The following IL1RAPL1 variants were observed in gnomAD, a reference collection of about 807,000 sequenced individuals.
IL1RAPL1 encodes interleukin 1 receptor accessory protein like 1, also known as interleukin-1 receptor accessory protein-like 1.
A neutral mutation model predicts 48.4 loss-of-function variants in IL1RAPL1; 3 were observed. The observed-to-expected ratio is 0.06, with a 90% CI of 0.03 to 0.16. The LOEUF is 0.16. Ranked by LOEUF, IL1RAPL1 falls within the 10% of genes least tolerant of loss-of-function variation. The pLI, the probability that IL1RAPL1 is intolerant of heterozygous loss-of-function variation, is 1.00. For missense variants in IL1RAPL1, 349 were observed against 530.6 expected, an observed-to-expected ratio of 0.66 and a Z score of 3.36; for synonymous variants, 185 against 187.7, an observed-to-expected ratio of 0.99 and a Z score of 0.12.
intron 6 of IL1RAPL1, among the ~76,000 whole-genome samples, chrX:29,812,816 GATAA>G (rs1930407217): frequency 9.0e-6 from 1 of 110,990 alleles, no homozygotes; most frequent in African/African-American, 3.3e-5. Flanking sequence ...TTAAGCTGAT[GATAA>G]ATAGTCTTTT....
chrX:29,176,482 CAAA>C (rs1930026092), intron 2 of IL1RAPL1, among the ~76,000 whole-genome samples: 1 of 109,641 alleles, frequency 9.1e-6, no homozygotes, highest in Non-Finnish European at 1.9e-5. Context: ...TTGAAACAAA[CAAA>C]AAAAGCAACT....
At chrX:29,741,372 C>G (rs1928192035) in intron 6 of IL1RAPL1, among the ~76,000 whole-genome samples, 1 of 111,996 alleles carries the variant, frequency 8.9e-6, no homozygotes, top group Non-Finnish European at 1.9e-5. Context: ...TGTGTGAGCA[C>G]ACAGCTGTGG....
intron 2 of IL1RAPL1, among the ~76,000 whole-genome samples, chrX:28,873,674 G>A (rs1261636239): frequency 2.0e-4 from 22 of 107,845 alleles, no homozygotes; most frequent in African/African-American, 7.1e-4. Flanking sequence ...TGGGACTACA[G>A]GAGCCCGCCA....
At chrX:28,859,716 T>A (rs1015092587) in intron 2 of IL1RAPL1, among the ~76,000 whole-genome samples, 12 of 108,655 alleles carry the variant, frequency 1.1e-4, no homozygotes, top group Non-Finnish European at 9.5e-5. Flanking sequence ...TATGGAAAAA[T>A]TATTATTATT....
chrX:28,781,491 T>A (rs1204432959), intron 1 of IL1RAPL1, among the ~76,000 whole-genome samples: 5 of 109,758 alleles, frequency 4.6e-5, no homozygotes, highest in Admixed American at 2.0e-4. Context: ...GAACCTTTTT[T>A]AAAAGACCAC....
chrX:29,301,955 G>T (rs776860564), intron 3 of IL1RAPL1, among the ~76,000 whole-genome samples: 1 of 111,250 alleles, frequency 9.0e-6, no homozygotes, highest in South Asian at 3.8e-4. Context: ...TAGTAAAAGA[G>T]CTTCAGAAGG....
At chrX:29,149,272 G>T (rs751849443) in intron 2 of IL1RAPL1, among the ~76,000 whole-genome samples, 1 of 110,343 alleles carries the variant, frequency 9.1e-6, no homozygotes, top group Non-Finnish European at 1.9e-5. Flanking sequence ...ATTTGGACTT[G>T]CCTAATCCTT....
chrX:29,080,213 C>T (rs905252694), intron 2 of IL1RAPL1, among the ~76,000 whole-genome samples: 4 of 108,935 alleles, frequency 3.7e-5, no homozygotes, highest in African/African-American at 1.3e-4. Context: ...AAAGTGAGAC[C>T]CCATCTCTAC....
intron 6 of IL1RAPL1, among the ~76,000 whole-genome samples, chrX:29,721,755 A>G (rs1316905643): frequency 8.9e-6 from 1 of 112,080 alleles, no homozygotes; most frequent in African/African-American, 3.2e-5. Context: ...TCACGGTATG[A>G]TTAAAGATAA....
At chrX:28,944,850 A>G (rs1260255487) in intron 2 of IL1RAPL1, among the ~76,000 whole-genome samples, 2 of 110,139 alleles carry the variant, frequency 1.8e-5, no homozygotes, top group Non-Finnish European at 3.8e-5. Flanking sequence ...AAAAAAAGTC[A>G]TAGCATGTCA....
intron 2 of IL1RAPL1, among the ~76,000 whole-genome samples, chrX:29,015,560 C>T (rs983386548): frequency 9.0e-6 from 1 of 111,095 alleles, no homozygotes; most frequent in African/African-American, 3.3e-5. Flanking sequence ...AGACTTAAGC[C>T]TCCCTGGATA....
At chrX:28,665,141 T>A (rs1195569912) in intron 1 of IL1RAPL1, among the ~76,000 whole-genome samples, 7 of 111,366 alleles carry the variant, frequency 6.3e-5, no homozygotes, top group African/African-American at 2.3e-4. Context: ...ATACTACAAA[T>A]GCAGTCTTGC....
intron 2 of IL1RAPL1, among the ~76,000 whole-genome samples, chrX:29,182,282 A>G (rs1419764041): frequency 9.0e-6 from 1 of 111,249 alleles, no homozygotes; most frequent in African/African-American, 3.3e-5. Context: ...TACTAGACTA[A>G]CTCCTGGGCT....
intron 2 of IL1RAPL1, among the ~76,000 whole-genome samples, chrX:28,798,705 C>T (rs1465511523): frequency 1.8e-5 from 2 of 111,965 alleles, no homozygotes; most frequent in East Asian, 5.6e-4. Flanking sequence ...GAATTGTCAG[C>T]CAGGAGCCAG....
intron 5 of IL1RAPL1, among the ~76,000 whole-genome samples, chrX:29,578,982 G>A (rs1391068352): frequency 8.9e-6 from 1 of 111,862 alleles, no homozygotes; most frequent in African/African-American, 3.3e-5. Flanking sequence ...TTGGTCATCA[G>A]GGACACTCTT....
At chrX:29,374,326 G>T (rs1218125008) in intron 3 of IL1RAPL1, among the ~76,000 whole-genome samples, 1 of 37,625 alleles carries the variant, frequency 2.7e-5, no homozygotes, top group Non-Finnish European at 5.4e-5. Flanking sequence ...CATTGAGGAG[G>T]TTATTTTATT....
intron 2 of IL1RAPL1, among the ~76,000 whole-genome samples, chrX:28,806,560 C>A (rs1936734403): frequency 9.0e-6 from 1 of 111,294 alleles, no homozygotes; most frequent in Admixed American, 9.6e-5. Flanking sequence ...CAGAACGGAT[C>A]ATAACAAACC....
intron 2 of IL1RAPL1, among the ~76,000 whole-genome samples, chrX:28,867,871 A>G (rs757964271): frequency 2.1e-4 from 24 of 111,650 alleles, no homozygotes; most frequent in Non-Finnish European, 3.4e-4. Context: ...TAATATTTGT[A>G]CCACTTCATC....
rs190886094 is a variant in IL1RAPL1 at position 29,416,314 on chromosome X, C to T, written c.703+17006C>T. Among the ~76,000 whole-genome samples, 4 of 111,218 alleles carry T rather than the reference C, an allele frequency of 3.6e-5. No homozygotes were observed. In the East Asian group the frequency reaches 8.5e-4, roughly 24 times the overall value. Reference sequence around the variant, plus strand: ...CTGTAATCCTAGCACTTTGGGAGGCCGAGGCAGGCAGATCACCTGAGATCA... The same window carrying T: ...CTGTAATCCTAGCACTTTGGGAGGCTGAGGCAGGCAGATCACCTGAGATCA... On this transcript the variant is annotated intron_variant, in intron 5 of 10. Transcript: ENST00000378993.
Sources: allele counts gnomAD v4.1 joint callset (sites outside exome capture counted in the v4.1 genomes callset), GRCh38; gene constraint gnomAD v4.1.1; transcripts MANE v1.5; gene names NCBI Gene and HGNC (gene_info 2026-07-23, HGNC 2026-07-21).